SENP7: variants seen among roughly 807,000 people sequenced by gnomAD.
SENP7 encodes the protein SUMO specific peptidase 7, also known as sentrin-specific protease 7.
In SENP7, 64 loss-of-function variants were observed where a neutral mutation model predicts 141.2. The ratio of observed to expected loss-of-function variants is 0.45; its 90% CI spans 0.37 to 0.56. SENP7 has a LOEUF of 0.56. Ranked by LOEUF, SENP7 falls within the 20% of genes least tolerant of loss-of-function variation. SENP7 has a pLI of 0.00. For synonymous variants in SENP7, 382 were observed against 426.4 expected, an observed-to-expected ratio of 0.90 and a Z score of 1.28; for missense variants, 1,025 against 1,212.2, an observed-to-expected ratio of 0.85 and a Z score of 2.29.
chr3:101,339,931 A>G (rs5009801), intron 16 of SENP7, among the ~76,000 whole-genome samples, 164 bp downstream of exon 16: 60,352 of 152,010 alleles, frequency 0.4, 12,502 homozygotes, highest in Admixed American at 0.54. Context: ...ATGAAACTGA[A>G]TAAGTCAATT....
chr3:101,434,526 A>G (rs1158383195), intron 4 of SENP7, among the ~76,000 whole-genome samples: 2 of 152,100 alleles, frequency 1.3e-5, no homozygotes, highest in Non-Finnish European at 2.9e-5. Flanking sequence ...ACCAACCTTT[A>G]GCCAACCTAA....
chr3:101,418,820 A>C (rs1328572309), intron 4 of SENP7, among the ~76,000 whole-genome samples: 1 of 152,134 alleles, frequency 6.6e-6, no homozygotes, highest in Non-Finnish European at 1.5e-5. Flanking sequence ...ACACAAAAAA[A>C]AATTAAGCTA....
chr3:101,504,078 C>T (rs531725520), intron 1 of SENP7, among the ~76,000 whole-genome samples: 14 of 152,118 alleles, frequency 9.2e-5, no homozygotes, highest in Admixed American at 3.9e-4. Context: ...GAAATGATTT[C>T]TTCTAAGTTC....
chr3:101,335,567 G>T (rs559872655), intron 17 of SENP7, among the ~76,000 whole-genome samples: 6 of 151,970 alleles, frequency 3.9e-5, no homozygotes, highest in African/African-American at 1.4e-4. Flanking sequence ...TGCCACTCAC[G>T]TAACTTTATT....
chr3:101,444,339 T>C (rs1298800275), intron 4 of SENP7, among the ~76,000 whole-genome samples: 9 of 151,840 alleles, frequency 5.9e-5, no homozygotes, highest in East Asian at 5.8e-4. Flanking sequence ...TGTGGCGATT[T>C]CTCAGGGATC....
At chr3:101,503,797 A>T (rs577711993) in intron 1 of SENP7, among the ~76,000 whole-genome samples, 1 of 152,108 alleles carries the variant, frequency 6.6e-6, no homozygotes, top group East Asian at 1.9e-4. Flanking sequence ...AAGTACAAAA[A>T]TTAGCTGAGT....
intron 20 of SENP7, 54 bp from the exon 21 acceptor site, chr3:101,328,743 C>A (rs2058969866): frequency 2.3e-6 from 3 of 1,330,428 alleles, no homozygotes; most frequent in Middle Eastern, 2.6e-4. Context: ...GAATAATTTA[C>A]TATTCAGTTA....
chr3:101,481,849 G>A (rs2064496367), intron 3 of SENP7, among the ~76,000 whole-genome samples: 1 of 152,142 alleles, frequency 6.6e-6, no homozygotes, highest in African/African-American at 2.4e-5. Context: ...AACTGTCGAT[G>A]TGGAAATTCC....
intron 5 of SENP7, among the ~76,000 whole-genome samples, chr3:101,403,731 A>T (rs72940399): frequency 0.21 from 32,119 of 151,988 alleles, 3,583 homozygotes; most frequent in Non-Finnish European, 0.24. Flanking sequence ...GTTTCAGGAT[A>T]AAAAAAATCA....
chr3:101,457,833 C>T (rs1452253449), intron 4 of SENP7: 6 of 564,398 alleles, frequency 1.1e-5, no homozygotes, highest in East Asian at 5.7e-5. Flanking sequence ...AGATGCAAGA[C>T]GGCAGCTAAA....
chr3:101,442,645 A>C (rs1055886906), intron 4 of SENP7, among the ~76,000 whole-genome samples: 1 of 152,240 alleles, frequency 6.6e-6, no homozygotes, highest in Non-Finnish European at 1.5e-5. Context: ...CAATACAAAA[A>C]AAAATCAGAA....
rs2107158381 is a variant in SENP7 at position 101,324,278 on chromosome 3, T to C, written c.*1665A>G. 1 of 152,232 alleles carries C rather than the reference T, an allele frequency of 6.6e-6. No individual in the cohort carries two copies. Among genetic ancestry groups the C allele is most frequent in the Admixed American group, 6.6e-5 (1 of 15,258 alleles). 9.4% of individuals were successfully genotyped at this position (152,232 alleles called of 1,614,324 possible). On this transcript the variant is annotated 3_prime_UTR_variant, in exon 24 of 24. Transcript: ENST00000394095. ...GGAAAAAAATTACACCTCAATTTAA[T>C]GAATTGGAAATATGTTTAATATAAA...
chr3:101,377,064 A>G (rs2060357458), intron 6 of SENP7, among the ~76,000 whole-genome samples: 1 of 152,158 alleles, frequency 6.6e-6, no homozygotes, highest in Admixed American at 6.5e-5. Flanking sequence ...ATAGAGAAAA[A>G]TATGATCGGA....
At chr3:101,337,419 A>T in intron 17 of SENP7, 90 bp downstream of exon 17, 1 of 891,522 alleles carries the variant, frequency 1.1e-6, no homozygotes. Context: ...TGCCTACTTG[A>T]GGAAATACTA....
At chr3:101,392,480 A>C (rs1377322776) in intron 6 of SENP7, among the ~76,000 whole-genome samples, 2 of 152,210 alleles carry the variant, frequency 1.3e-5, no homozygotes, top group Non-Finnish European at 2.9e-5. Context: ...AATAAATTTA[A>C]CCATAGAGTT....
At chr3:101,340,337 T>A in intron 15 of SENP7, 126 bp from the exon 16 acceptor site, 1 of 1,145,798 alleles carries the variant, frequency 8.7e-7, no homozygotes, top group Non-Finnish European at 1.2e-6. Flanking sequence ...TAAAAAACAT[T>A]TGACCAGGCA....
chr3:101,463,396 T>TATACAC (rs1320861204), intron 3 of SENP7, among the ~76,000 whole-genome samples: 161 of 82,820 alleles, frequency 1.9e-3, no homozygotes, highest in Non-Finnish European at 3.2e-3. Flanking sequence ...TATATATATA[T>TATACAC]ACATATATAT....
chr3:101,506,520 G>A (rs946740906), intron 1 of SENP7, among the ~76,000 whole-genome samples: 5 of 152,108 alleles, frequency 3.3e-5, no homozygotes, highest in Admixed American at 2.0e-4. Flanking sequence ...TTCCAGAGAT[G>A]GTACTCTAAA....
rs1298141596 is a variant in SENP7 at position 101,443,973 on chromosome 3, A to C, written c.284+14982T>G. On this transcript the variant is annotated intron_variant, in intron 4 of 23. Coordinates refer to ENST00000394095, the MANE Select transcript of SENP7 (RefSeq NM_020654.5). ...ACAGGCAACCTACAAAATGGGAGAAAATTTTTGCAACCTACTCATCTGACA... is the reference window on the plus strand; with the variant it reads ...ACAGGCAACCTACAAAATGGGAGAACATTTTTGCAACCTACTCATCTGACA... Among the ~76,000 whole-genome samples the C allele has an allele frequency of 4.7e-5, 7 of 150,218 alleles. No homozygotes were observed. In the East Asian group the frequency reaches 1.4e-3, roughly 29 times the overall value.
Sources: gnomAD v4.1 joint callset for allele counts (sites outside exome capture counted in the v4.1 genomes callset) on GRCh38, gnomAD v4.1.1 for gene constraint, MANE v1.5 for transcripts, NCBI Gene and HGNC (gene_info 2026-07-23, HGNC 2026-07-21) for gene names.